Variants in CEACAM19 observed in about 807,000 individuals in gnomAD.
The protein encoded by CEACAM19 is cell adhesion molecule CEACAM19.
In CEACAM19, 37 loss-of-function variants were observed where a neutral mutation model predicts 37.6. That is an observed-to-expected ratio of 0.98 (90% confidence interval 0.76 to 1.29). The LOEUF is 1.29. Ranked by LOEUF, CEACAM19 falls within the 50% of genes most tolerant of loss-of-function variation. The probability of loss-of-function intolerance (pLI) is 0.00; values close to 1 mark genes in which losing one functional copy is unlikely to be tolerated. For synonymous variants in CEACAM19, 140 were observed against 149.8 expected (o/e 0.93, Z 0.48); for missense variants, 340 against 375.6 (o/e 0.91, Z 0.78).
At chr19:44,673,115 G>C (rs1163664994) in intron 2 of CEACAM19, 151 bp downstream of exon 2, 4 of 560,820 alleles carry the variant, frequency 7.1e-6, no homozygotes, top group Non-Finnish European at 1.1e-5. Flanking sequence ...AATCCCCAGA[G>C]ATAGTCTTTA....
chr19:44,674,555 C>T (rs1462883568), intron 2 of CEACAM19, among the ~76,000 whole-genome samples: 2 of 151,948 alleles, frequency 1.3e-5, no homozygotes, highest in Non-Finnish European at 2.9e-5. Context: ...CGCATGCCAT[C>T]ACACCCAGCT....
intron 2 of CEACAM19, among the ~76,000 whole-genome samples, chr19:44,674,283 A>G (rs1244734000): frequency 1.3e-5 from 2 of 150,438 alleles, no homozygotes; most frequent in Non-Finnish European, 3.0e-5. Context: ...TTAGATCATG[A>G]GGGTACAGCA....
At chr19:44,679,011 G>A (rs1488925217) in intron 4 of CEACAM19, 75 bp downstream of exon 4, 2 of 1,582,224 alleles carry the variant, frequency 1.3e-6, no homozygotes, top group East Asian at 2.3e-5. Context: ...TTTGTTTTCA[G>A]AGTCAAAGTC....
chr19:44,670,715 G>A (rs1264183656), upstream of CEACAM19, among the ~76,000 whole-genome samples: 2 of 135,948 alleles, frequency 1.5e-5, no homozygotes, highest in African/African-American at 5.4e-5. Context: ...AATTATAGGT[G>A]ACATATTTAA....
chr19:44,670,921 C>T (rs1248991311), upstream of CEACAM19, among the ~76,000 whole-genome samples: 1 of 151,244 alleles, frequency 6.6e-6, no homozygotes, highest in Non-Finnish European at 1.5e-5. Context: ...CATGGAGAAA[C>T]CCTGTCTCTA....
intron 6 of CEACAM19, 147 bp from the exon 7 acceptor site, chr19:44,682,420 A>G (rs1321280810): frequency 2.7e-6 from 2 of 749,976 alleles, no homozygotes; most frequent in Non-Finnish European, 4.5e-6. Context: ...ACTGAGGTGT[A>G]AGGAAGCTAA....
upstream of CEACAM19, among the ~76,000 whole-genome samples, chr19:44,667,732 A>T (rs1335471253): frequency 1.5e-5 from 1 of 67,026 alleles, no homozygotes; most frequent in Non-Finnish European, 2.4e-5. Context: ...TTATATATTT[A>T]TATATATAAT....
rs768956433 is a variant in CEACAM19, at chr19:44,682,621, G to T, written c.846+1G>T. On this transcript the variant is annotated splice_donor_variant, in intron 7 of 7. Transcript: ENST00000358777. LOFTEE classifies it high-confidence loss of function. ...GGAGCCAGAGAACCACCAGTACCAG[G>T]TATGGAGCTGGGAGCTGGGAGGGGT... 1 of 1,601,358 alleles carries T rather than the reference G, an allele frequency of 6.2e-7. No individual in the cohort carries two copies. The highest frequency in any genetic ancestry group is 1.3e-5 in the African/African-American group (1 of 74,742).
intron 1 of CEACAM19, chr19:44,672,334 G>A (rs1018908945): frequency 6.4e-6 from 3 of 466,670 alleles, no homozygotes; most frequent in Non-Finnish European, 7.6e-6. Flanking sequence ...TGAATTCAGA[G>A]AGTCCATGTG....
chr19:44,667,688 A>AAT (rs1202052913), upstream of CEACAM19, among the ~76,000 whole-genome samples: 1 of 83,306 alleles, frequency 1.2e-5, no homozygotes, highest in Admixed American at 2.2e-4. Context: ...TATATATATA[A>AAT]ATATATAATA....
rs368731647 is a variant in CEACAM19 at position 44,680,946 on chromosome 19, C to T, written c.707-281C>T. On this transcript the variant is annotated intron_variant, in intron 5 of 7. Transcript: ENST00000358777. Reference sequence around the variant, plus strand: ...TGAGTCCTAGGCTACTTAGGCACCCCGTCTTGGGCTCCCACCCGCCCCCAG... The same window carrying T: ...TGAGTCCTAGGCTACTTAGGCACCCTGTCTTGGGCTCCCACCCGCCCCCAG... Among the ~76,000 whole-genome samples the T allele has an allele frequency of 3.2e-4, 49 of 152,060 alleles. 1 individual carries two copies. In the South Asian group the frequency reaches 9.1e-3, roughly 28 times the overall value.
chr19:44,678,583 G>A, intron 3 of CEACAM19: 2 of 259,836 alleles, frequency 7.7e-6, no homozygotes, highest in Non-Finnish European at 1.4e-5. Flanking sequence ...GCTAATTTTT[G>A]TATTTTTAGT....
At chr19:44,668,752 A>AAT (rs1568513258), upstream of CEACAM19, among the ~76,000 whole-genome samples, 5 of 91,726 alleles carry the variant, frequency 5.5e-5, no homozygotes, top group African/African-American at 4.1e-4. Flanking sequence ...AATATAATAT[A>AAT]ATATAATATA....
At chr19:44,675,097 C>CGTGTGTGTGT (rs59147604) in intron 2 of CEACAM19, among the ~76,000 whole-genome samples, 3,814 of 143,854 alleles carry the variant, frequency 0.027, 69 homozygotes, top group East Asian at 0.055. Context: ...CAGAGAACAG[C>CGTGTGTGTGT]GTGTGTGTGT....
chr19:44,672,515 G>A (rs1252398369), intron 1 of CEACAM19, 81 bp from the exon 2 acceptor site: 2 of 1,356,386 alleles, frequency 1.5e-6, no homozygotes, highest in African/African-American at 3.0e-5. Flanking sequence ...GCTCCCCGCT[G>A]AAGATCTGTA....
chr19:44,668,662 A>C (rs1973802822), upstream of CEACAM19, among the ~76,000 whole-genome samples: 3 of 74,720 alleles, frequency 4.0e-5, no homozygotes, highest in African/African-American at 1.8e-4. Context: ...TAATTATATA[A>C]TTATATACAT....
upstream of CEACAM19, among the ~76,000 whole-genome samples, chr19:44,668,930 C>T (rs1267995851): frequency 6.9e-6 from 1 of 144,732 alleles, no homozygotes; most frequent in East Asian, 2.0e-4. Flanking sequence ...AGTGATTCTC[C>T]TGCCTCAGCC....
upstream of CEACAM19, among the ~76,000 whole-genome samples, chr19:44,668,386 ATATATTTATATAATAT>A (rs1973782461): frequency 2.0e-5 from 1 of 50,702 alleles, no homozygotes; most frequent in Non-Finnish European, 3.2e-5. Context: ...TATATATATA[ATATATTTATATAATAT>A]GTTTATATAT....
chr19:44,681,085 GTGTCCCCAGCAC>G (rs1974049760), intron 5 of CEACAM19, 130 bp from the exon 6 acceptor site: 1 of 646,060 alleles, frequency 1.5e-6, no homozygotes, highest in African/African-American at 1.8e-5. Flanking sequence ...GGTCAGCACT[GTGTCCCCAGCAC>G]TGGGTTTGGC....
Sources: allele counts gnomAD v4.1 joint callset (sites outside exome capture counted in the v4.1 genomes callset), GRCh38; gene constraint gnomAD v4.1.1; transcripts MANE v1.5; gene names NCBI Gene and HGNC (gene_info 2026-07-23, HGNC 2026-07-21).